RASA2: variants seen among roughly 807,000 people sequenced by gnomAD.
RASA2 encodes the protein RAS p21 protein activator 2.
In RASA2, 155 loss-of-function variants were observed where a neutral mutation model predicts 118.2. That is an observed-to-expected ratio of 1.31 (90% CI 1.15 to 1.50). The LOEUF (loss-of-function observed/expected upper bound fraction) is 1.50. RASA2 is among the 40% of genes most tolerant of loss of function. The pLI, the probability that RASA2 is intolerant of heterozygous loss-of-function variation, is 0.00. For missense variants in RASA2, 1,016 were observed against 1,009.6 expected, an observed-to-expected ratio of 1.01 and a Z score of -0.09; for synonymous variants, 353 against 349.1, an observed-to-expected ratio of 1.01 and a Z score of -0.12.
At chr3:141,511,653 G>C (rs1489866604) in intron 1 of RASA2, among the ~76,000 whole-genome samples, 1 of 152,170 alleles carries the variant, frequency 6.6e-6, no homozygotes, top group Non-Finnish European at 1.5e-5. Context: ...GGTGGGGTCA[G>C]AAGCTGATTG....
chr3:141,600,401 A>T, intron 19 of RASA2: 2 of 470,778 alleles, frequency 4.2e-6, no homozygotes, highest in South Asian at 3.2e-5. Flanking sequence ...AATGTTCAAG[A>T]TGAGCCTCCA....
chr3:141,505,735 G>C (rs990370854), intron 1 of RASA2, among the ~76,000 whole-genome samples: 1 of 151,782 alleles, frequency 6.6e-6, no homozygotes, highest in African/African-American at 2.4e-5. Context: ...TCTAAGCAAG[G>C]GATGTTTTAT....
chr3:141,501,043 A>G (rs2081771509), intron 1 of RASA2, among the ~76,000 whole-genome samples: 1 of 152,176 alleles, frequency 6.6e-6, no homozygotes, highest in African/African-American at 2.4e-5. Context: ...TCATTTTGCC[A>G]GATTTTGATT....
intron 9 of RASA2, among the ~76,000 whole-genome samples, chr3:141,568,215 CTG>C (rs1249579477): frequency 1.3e-5 from 2 of 151,988 alleles, no homozygotes; most frequent in African/African-American, 4.8e-5. Context: ...AAAGAACAAA[CTG>C]GATCTATGAA....
At chr3:141,505,061 A>AC (rs1350062662) in intron 1 of RASA2, among the ~76,000 whole-genome samples, 1 of 151,598 alleles carries the variant, frequency 6.6e-6, no homozygotes, top group African/African-American at 2.4e-5. Flanking sequence ...AATAACATTG[A>AC]CCTCCTCCCT....
At chr3:141,599,849 G>A (rs111502780) in intron 19 of RASA2, among the ~76,000 whole-genome samples, 3,179 of 152,186 alleles carry the variant, frequency 0.021, 55 homozygotes, top group Middle Eastern at 0.044. Flanking sequence ...GGAAACCCTC[G>A]AAGAGTAAGG....
At chr3:141,539,649 T>C (rs992651941) in intron 4 of RASA2, among the ~76,000 whole-genome samples, 5 of 152,206 alleles carry the variant, frequency 3.3e-5, no homozygotes, top group Non-Finnish European at 7.3e-5. Context: ...TGTGAGAATT[T>C]GTCTTGTCAG....
intron 5 of RASA2, among the ~76,000 whole-genome samples, chr3:141,540,896 A>G (rs1418812621): frequency 6.6e-6 from 1 of 152,128 alleles, no homozygotes; most frequent in Non-Finnish European, 1.5e-5. Context: ...AGAATTGGAA[A>G]GGCTTCCCAA....
intron 5 of RASA2, among the ~76,000 whole-genome samples, chr3:141,545,323 A>G (rs909613746): frequency 6.6e-6 from 1 of 152,114 alleles, no homozygotes; most frequent in African/African-American, 2.4e-5. Flanking sequence ...ATGGTTCTGC[A>G]GGCTGTACAG....
At chr3:141,597,764 A>T (rs538730320) in intron 19 of RASA2, among the ~76,000 whole-genome samples, 4 of 152,234 alleles carry the variant, frequency 2.6e-5, no homozygotes, top group African/African-American at 4.8e-5. Flanking sequence ...GAAATAGGAA[A>T]CAAACTAATA....
chr3:141,562,319 TAAA>T (rs554671192), intron 9 of RASA2, among the ~76,000 whole-genome samples: 12 of 132,720 alleles, frequency 9.0e-5, no homozygotes, highest in South Asian at 2.5e-4. Context: ...TGTCTTCAGT[TAAA>T]AAAAAAAAAA....
intron 11 of RASA2, among the ~76,000 whole-genome samples, chr3:141,572,061 T>TATACAC (rs1250945462): frequency 1.0e-5 from 1 of 98,266 alleles, no homozygotes; most frequent in Non-Finnish European, 1.9e-5. Flanking sequence ...TATATATATA[T>TATACAC]ACACACACAC....
At chr3:141,544,249 T>C (rs187286620) in intron 5 of RASA2, among the ~76,000 whole-genome samples, 95 of 152,320 alleles carry the variant, frequency 6.2e-4, no homozygotes, top group African/African-American at 2.1e-3. Context: ...TTATCCTGTT[T>C]GGGGTTCGCT....
At chr3:141,507,899 T>A (rs1276236429) in intron 1 of RASA2, among the ~76,000 whole-genome samples, 2 of 152,194 alleles carry the variant, frequency 1.3e-5, no homozygotes, top group Non-Finnish European at 2.9e-5. Flanking sequence ...ATTTTTTAAC[T>A]TTCTCTTCTC....
At chr3:141,602,603 T>TG (rs1425804325) in intron 19 of RASA2, among the ~76,000 whole-genome samples, 2 of 152,188 alleles carry the variant, frequency 1.3e-5, no homozygotes, top group African/African-American at 4.8e-5. Context: ...TCTGAATGCT[T>TG]GCCTAGACTA....
chr3:141,595,404 T>C (rs1560058306), intron 19 of RASA2, among the ~76,000 whole-genome samples: 2 of 152,126 alleles, frequency 1.3e-5, no homozygotes. Context: ...TTGAAAGTAA[T>C]TGGGTGGAGA....
rs76071092 is a variant in RASA2, at chr3:141,576,195, A to G, written c.1484-805A>G. Among the ~76,000 whole-genome samples the G allele has an allele frequency of 9.6e-3, 1,456 of 152,324 alleles. 13 individuals carry two copies. The highest frequency in any genetic ancestry group is 0.015 in the Non-Finnish European group (1,014 of 68,016). On this transcript the variant is annotated intron_variant, in intron 14 of 23. Coordinates refer to ENST00000286364, the MANE Select transcript of RASA2 (RefSeq NM_006506.5). ...CTATAGTAGTGACAGTTTTGTTGCCATAAGTGTTTCATATTCTCTCGTTTT... is the reference window on the plus strand; with the variant it reads ...CTATAGTAGTGACAGTTTTGTTGCCGTAAGTGTTTCATATTCTCTCGTTTT...
At chr3:141,610,784 C>G (rs1445045407) in intron 23 of RASA2, among the ~76,000 whole-genome samples, 1 of 152,004 alleles carries the variant, frequency 6.6e-6, no homozygotes, top group Admixed American at 6.6e-5. Context: ...GCCAACACCA[C>G]CAGGCTGTAA....
chr3:141,605,493 T>C (rs1485835853), intron 19 of RASA2, among the ~76,000 whole-genome samples: 1 of 152,190 alleles, frequency 6.6e-6, no homozygotes, highest in African/African-American at 2.4e-5. Context: ...TCTCCACATA[T>C]GCTGTGTTAC....
Sources: gnomAD v4.1 joint callset for allele counts (sites outside exome capture counted in the v4.1 genomes callset) on GRCh38, gnomAD v4.1.1 for gene constraint, MANE v1.5 for transcripts, NCBI Gene and HGNC (gene_info 2026-07-23, HGNC 2026-07-21) for gene names.